Variants in LRMDA observed in about 807,000 individuals in gnomAD.
LRMDA encodes leucine rich melanocyte differentiation associated.
In LRMDA, 18 loss-of-function variants were observed where a neutral mutation model predicts 29.8. The ratio of observed to expected loss-of-function variants is 0.60; its 90% CI spans 0.42 to 0.90. The LOEUF is 0.90. LRMDA is among the 40% of genes least tolerant of loss of function. The pLI is 0.00. For missense variants in LRMDA, 273 were observed against 273.9 expected (o/e 1.00, Z 0.02); for synonymous variants, 125 against 109.4 (o/e 1.14, Z -0.89).
At chr10:75,465,510 C>T (rs1401128933) in intron 2 of LRMDA, among the ~76,000 whole-genome samples, 3 of 152,182 alleles carry the variant, frequency 2.0e-5, no homozygotes, top group South Asian at 2.1e-4. Flanking sequence ...TCATTGCCAG[C>T]TGTCACGGAG....
chr10:76,055,091 A>G (rs897611176), intron 4 of LRMDA, among the ~76,000 whole-genome samples: 1 of 146,328 alleles, frequency 6.8e-6, no homozygotes, highest in Non-Finnish European at 1.5e-5. Context: ...AAAAAAAAAA[A>G]AAAGAAAAAG....
chr10:75,966,512 G>A (rs1319233734), intron 2 of LRMDA, among the ~76,000 whole-genome samples: 1 of 152,192 alleles, frequency 6.6e-6, no homozygotes, highest in Non-Finnish European at 1.5e-5. Context: ...CCAGTACATT[G>A]TTCATTCCAT....
At chr10:75,918,289 A>T (rs1845968314) in intron 2 of LRMDA, among the ~76,000 whole-genome samples, 1 of 152,092 alleles carries the variant, frequency 6.6e-6, no homozygotes, top group African/African-American at 2.4e-5. Context: ...GAGACTGGGT[A>T]ATTTATTTTT....
chr10:76,442,958 C>A (rs1401777405), intron 6 of LRMDA, among the ~76,000 whole-genome samples: 2 of 152,056 alleles, frequency 1.3e-5, no homozygotes, highest in Non-Finnish European at 2.9e-5. Context: ...ACCTAGGTCT[C>A]AAAAAATTGT....
chr10:75,885,334 G>A (rs1004796344), intron 2 of LRMDA, among the ~76,000 whole-genome samples: 1 of 152,186 alleles, frequency 6.6e-6, no homozygotes, highest in African/African-American at 2.4e-5. Flanking sequence ...CTCAGTAACT[G>A]TTTCGGATGT....
chr10:76,549,396 G>T (rs1004259986), intron 6 of LRMDA, among the ~76,000 whole-genome samples: 47 of 152,290 alleles, frequency 3.1e-4, no homozygotes, highest in African/African-American at 1.1e-3. Context: ...TGAGCAGGCT[G>T]TATAATCTGT....
intron 5 of LRMDA, among the ~76,000 whole-genome samples, chr10:76,278,892 T>C (rs1167898426): frequency 6.6e-6 from 1 of 152,174 alleles, no homozygotes; most frequent in African/African-American, 2.4e-5. Flanking sequence ...CTATTGTTGC[T>C]GGGTAGAGAG....
chr10:76,335,669 G>A (rs955191215), intron 6 of LRMDA, among the ~76,000 whole-genome samples: 1 of 152,080 alleles, frequency 6.6e-6, no homozygotes, highest in Non-Finnish European at 1.5e-5. Flanking sequence ...TTAAGTGGGG[G>A]GAGCTTCCAG....
chr10:76,229,858 A>C (rs1418910616), intron 5 of LRMDA, among the ~76,000 whole-genome samples: 1 of 152,004 alleles, frequency 6.6e-6, no homozygotes, highest in Non-Finnish European at 1.5e-5. Flanking sequence ...CCTTTGAGCC[A>C]TTTTCGACTT....
At chr10:75,956,567 C>G (rs1420260976) in intron 2 of LRMDA, among the ~76,000 whole-genome samples, 3 of 152,148 alleles carry the variant, frequency 2.0e-5, no homozygotes, top group African/African-American at 7.2e-5. Flanking sequence ...CAAGTGTGGT[C>G]CCTGCCATAG....
intron 2 of LRMDA, among the ~76,000 whole-genome samples, chr10:75,831,646 A>G (rs900696083): frequency 6.6e-6 from 1 of 152,126 alleles, no homozygotes; most frequent in African/African-American, 2.4e-5. Context: ...GGAGGCTCCA[A>G]TCCCACATTT....
intron 5 of LRMDA, among the ~76,000 whole-genome samples, chr10:76,231,067 A>G (rs528121076): frequency 1.2e-4 from 19 of 152,214 alleles, no homozygotes; most frequent in Non-Finnish European, 2.1e-4. Flanking sequence ...CAATTAACAT[A>G]TCATGGGGAG....
Position 76,308,049 on chromosome 10 carries a change from T to G in LRMDA, c.517-16352T>G, listed in dbSNP as rs562527576. ...GTCATTTTGGTCAAGAATTCTTAAT[T>G]GTGTGTGACTTAAATTTCATTTTCT... is the stretch of plus-strand genomic sequence containing the variant. On this transcript the variant is annotated intron_variant, in intron 5 of 6. Coordinates refer to ENST00000611255, the MANE Select transcript of LRMDA (RefSeq NM_001305581.2). Among the ~76,000 whole-genome samples the G allele has an allele frequency of 5.3e-5, 8 of 152,222 alleles. No individual in the cohort carries two copies. In the East Asian group the frequency reaches 1.2e-3, roughly 22 times the overall value.
intron 1 of LRMDA, among the ~76,000 whole-genome samples, chr10:75,436,753 G>T (rs1259059645): frequency 6.6e-6 from 1 of 152,146 alleles, no homozygotes; most frequent in East Asian, 1.9e-4. Flanking sequence ...ACAGGCATGA[G>T]CCACCGCGCC....
At chr10:76,135,419 A>G (rs1317856195) in intron 5 of LRMDA, among the ~76,000 whole-genome samples, 1 of 152,194 alleles carries the variant, frequency 6.6e-6, no homozygotes, top group African/African-American at 2.4e-5. Flanking sequence ...TGTGCTTTTG[A>G]TAACCCTTCA....
At chr10:75,463,465 C>T (rs953300391) in intron 2 of LRMDA, among the ~76,000 whole-genome samples, 3 of 149,114 alleles carry the variant, frequency 2.0e-5, no homozygotes, top group Non-Finnish European at 4.4e-5. Flanking sequence ...TTTGGATGCT[C>T]GGGTGGGCTA....
At chr10:75,616,807 T>C (rs1244450744) in intron 2 of LRMDA, among the ~76,000 whole-genome samples, 1 of 152,232 alleles carries the variant, frequency 6.6e-6, no homozygotes, top group African/African-American at 2.4e-5. Context: ...TAAGACTCCA[T>C]AGAGCACTTC....
intron 6 of LRMDA, among the ~76,000 whole-genome samples, chr10:76,486,812 A>G (rs2132331538): frequency 6.6e-6 from 1 of 151,958 alleles, no homozygotes; most frequent in African/African-American, 2.4e-5. Flanking sequence ...TGCTGCTGCC[A>G]CTGCCACAGC....
intron 2 of LRMDA, among the ~76,000 whole-genome samples, chr10:75,693,011 A>G (rs925810426): frequency 3.3e-5 from 5 of 152,152 alleles, no homozygotes; most frequent in African/African-American, 1.2e-4. Context: ...TGCCCTGTTC[A>G]GGAGCATAGA....
Sources: allele counts gnomAD v4.1 joint callset (sites outside exome capture counted in the v4.1 genomes callset), GRCh38; gene constraint gnomAD v4.1.1; transcripts MANE v1.5; gene names NCBI Gene and HGNC (gene_info 2026-07-23, HGNC 2026-07-21).